KDM2A: variants seen among roughly 807,000 people sequenced by gnomAD.
KDM2A encodes lysine-specific demethylase 2A.
A neutral mutation model predicts 137.3 loss-of-function variants in KDM2A; 3 were observed. The ratio of observed to expected loss-of-function variants is 0.02; its 90% CI spans 0.01 to 0.06. The LOEUF (loss-of-function observed/expected upper bound fraction) is 0.06. Ranked by LOEUF, KDM2A falls within the 10% of genes least tolerant of loss-of-function variation. KDM2A has a pLI of 1.00. For missense variants in KDM2A, 738 were observed against 1,510.6 expected (o/e 0.49, Z 8.48); for synonymous variants, 512 against 541.5 (o/e 0.95, Z 0.76).
intron 5 of KDM2A, among the ~76,000 whole-genome samples, chr11:67,205,402 T>C (rs1050214541): frequency 6.6e-6 from 1 of 152,134 alleles, no homozygotes; most frequent in Non-Finnish European, 1.5e-5. Flanking sequence ...TATAAATTCC[T>C]TAGAGACAGG....
At chr11:67,144,571 A>G (rs966197537) in intron 2 of KDM2A, among the ~76,000 whole-genome samples, 2 of 141,432 alleles carry the variant, frequency 1.4e-5, no homozygotes, top group Admixed American at 1.4e-4. Flanking sequence ...TTTTTAATAT[A>G]AATTTTTTAG....
At chr11:67,150,857 G>A (rs917365742) in intron 2 of KDM2A, among the ~76,000 whole-genome samples, 1 of 151,904 alleles carries the variant, frequency 6.6e-6, no homozygotes, top group Non-Finnish European at 1.5e-5. Context: ...ACATTTTGGA[G>A]GTGGGGGTGG....
At chr11:67,199,856 A>G (rs560674793) in intron 5 of KDM2A, among the ~76,000 whole-genome samples, 2 of 152,316 alleles carry the variant, frequency 1.3e-5, no homozygotes, top group South Asian at 2.1e-4. Context: ...AGCATCTAGG[A>G]TTTTCATAGC....
At chr11:67,201,390 CA>C (rs1165696283) in intron 5 of KDM2A, among the ~76,000 whole-genome samples, 1 of 151,878 alleles carries the variant, frequency 6.6e-6, no homozygotes, top group Non-Finnish European at 1.5e-5. Flanking sequence ...TCTGTAATCC[CA>C]ATGTTTTGAT....
chr11:67,136,424 A>AGTC (rs1855970601), intron 2 of KDM2A, among the ~76,000 whole-genome samples: 1 of 152,202 alleles, frequency 6.6e-6, no homozygotes, highest in Non-Finnish European at 1.5e-5. Context: ...GTGTTTCCCA[A>AGTC]GTCATCTGTT....
At chr11:67,168,579 T>G (rs1160347266) in intron 2 of KDM2A, among the ~76,000 whole-genome samples, 1 of 2,332 alleles carries the variant, frequency 4.3e-4, no homozygotes, top group Non-Finnish European at 1.5e-3. Flanking sequence ...CTTGTATGAA[T>G]TATACACACA....
chr11:67,125,455 T>G, intron 2 of KDM2A, among the ~76,000 whole-genome samples: 1 of 151,788 alleles, frequency 6.6e-6, no homozygotes. Flanking sequence ...AGTCATTTTT[T>G]GGGGGGAAAA....
chr11:67,141,395 G>A (rs1388012762), intron 2 of KDM2A, among the ~76,000 whole-genome samples: 1 of 151,750 alleles, frequency 6.6e-6, no homozygotes, highest in Admixed American at 6.6e-5. Context: ...GGCCGGGCGC[G>A]GTGGCTCACG....
At chr11:67,179,694 C>T (rs1344652080) in intron 2 of KDM2A, among the ~76,000 whole-genome samples, 1 of 152,188 alleles carries the variant, frequency 6.6e-6, no homozygotes, top group Non-Finnish European at 1.5e-5. Flanking sequence ...AAATACAGCT[C>T]TCCCTGTGAA....
intron 10 of KDM2A, among the ~76,000 whole-genome samples, chr11:67,226,768 A>G (rs1038235087): frequency 6.6e-6 from 1 of 152,150 alleles, no homozygotes; most frequent in African/African-American, 2.4e-5. Context: ...ATCAAAGAGC[A>G]TGTTTATGTA....
intron 12 of KDM2A, among the ~76,000 whole-genome samples, chr11:67,232,700 ATT>A (rs1858751901): frequency 7.5e-6 from 1 of 132,610 alleles, no homozygotes; most frequent in East Asian, 2.2e-4. Context: ...TTTTTTTTTA[ATT>A]TTAATTAATT....
chr11:67,195,926 T>TA (rs1857470215), intron 5 of KDM2A: 1 of 412,318 alleles, frequency 2.4e-6, no homozygotes, highest in African/African-American at 2.0e-5. Context: ...TTCTACCACT[T>TA]ACAGCAACTT....
chr11:67,231,487 C>G (rs1858718913), intron 11 of KDM2A, 79 bp from the exon 12 acceptor site: 4 of 1,326,408 alleles, frequency 3.0e-6, no homozygotes, highest in African/African-American at 1.5e-5. Context: ...CTCAAGGCCC[C>G]TATCATGCCA....
At chr11:67,166,475 G>T (rs1396268484) in intron 2 of KDM2A, among the ~76,000 whole-genome samples, 2 of 151,802 alleles carry the variant, frequency 1.3e-5, no homozygotes, top group Admixed American at 6.6e-5. Flanking sequence ...AGTGAGCCAC[G>T]GTGCCTGGCT....
chr11:67,205,365 G>A (rs1857769421), intron 5 of KDM2A, among the ~76,000 whole-genome samples: 1 of 151,816 alleles, frequency 6.6e-6, no homozygotes, highest in South Asian at 2.1e-4. Context: ...TCTTCTCTTG[G>A]GTATTATCTC....
Position 67,255,202 on chromosome 11 carries a change from G to A in KDM2A, c.*147G>A. 1 of 682,316 alleles carries A rather than the reference G, an allele frequency of 1.5e-6. No individual in the cohort carries two copies. The highest frequency in any genetic ancestry group is 2.5e-6 in the Non-Finnish European group (1 of 407,516). The allele number at this position is 682,316 out of a possible 1,614,324, so 42.3% of individuals were successfully genotyped here. On this transcript the variant is annotated 3_prime_UTR_variant, in exon 21 of 21. Transcript: ENST00000529006. Reference sequence around the variant, plus strand: ...TCCCTTGAGCCCTTCCTCTACAGGTGGGGCAGAGAGGGTGGTGGACACCAG... The same window carrying A: ...TCCCTTGAGCCCTTCCTCTACAGGTAGGGCAGAGAGGGTGGTGGACACCAG...
intron 2 of KDM2A, among the ~76,000 whole-genome samples, chr11:67,127,749 C>T (rs1489806509): frequency 1.3e-5 from 2 of 151,796 alleles, no homozygotes; most frequent in South Asian, 2.1e-4. Flanking sequence ...CTCTTGTTGC[C>T]GAGGCTGGAG....
In KDM2A at chr11:67,255,134, A is replaced by G; in HGVS notation, c.*79A>G. The stretch of plus-strand genomic sequence containing the variant: ...GAGGAGAGCCTCTCCTCGACCCTGC[A>G]CGGGCTCTGAGGCCAGCGTCACACT... On this transcript the variant is annotated 3_prime_UTR_variant, in exon 21 of 21. Transcript: ENST00000529006. 7.6e-7 allele frequency: 1 copy of G among 1,323,488 alleles called. No homozygotes were observed. The highest frequency in any genetic ancestry group is 1.3e-5 in the South Asian group (1 of 75,126). 82.0% of individuals were successfully genotyped at this position (1,323,488 alleles called of 1,614,324 possible).
At chr11:67,210,920 T>G (rs1383388662) in intron 6 of KDM2A, among the ~76,000 whole-genome samples, 2 of 152,088 alleles carry the variant, frequency 1.3e-5, no homozygotes, top group African/African-American at 4.8e-5. Flanking sequence ...GGTGGGCGTA[T>G]CACTTGAGCC....
Sources: gnomAD v4.1 joint callset for allele counts (sites outside exome capture counted in the v4.1 genomes callset) on GRCh38, gnomAD v4.1.1 for gene constraint, MANE v1.5 for transcripts, NCBI Gene and HGNC (gene_info 2026-07-23, HGNC 2026-07-21) for gene names.